The following PYGO1 variants were observed in gnomAD, a reference collection of about 807,000 sequenced individuals.
PYGO1 encodes the protein pygopus homolog 1.
Under a neutral mutation model 29.5 loss-of-function variants are expected in PYGO1, and 6 were observed. The ratio of observed to expected loss-of-function variants is 0.20; its 90% confidence interval spans 0.11 to 0.40. PYGO1 has a LOEUF of 0.40. PYGO1 is among the 10% of genes least tolerant of loss of function. The pLI, the probability that PYGO1 is intolerant of heterozygous loss-of-function variation, is 1.00. For missense variants in PYGO1, 515 were observed against 514.9 expected, an observed-to-expected ratio of 1.00 and a Z score of 0.00; for synonymous variants, 186 against 180.5, an observed-to-expected ratio of 1.03 and a Z score of -0.24.
At chr15:55,587,103 T>TCC (rs2059050102) in intron 1 of PYGO1, among the ~76,000 whole-genome samples, 1 of 152,192 alleles carries the variant, frequency 6.6e-6, no homozygotes, top group African/African-American at 2.4e-5. Context: ...CTAAAAGGCA[T>TCC]CCCCCAATTT....
chr15:55,551,399 A>G (rs1025111125), intron 1 of PYGO1, among the ~76,000 whole-genome samples: 2 of 152,182 alleles, frequency 1.3e-5, no homozygotes, highest in African/African-American at 2.4e-5. Context: ...CAGAGGGAAC[A>G]CTTCCTAACT....
At chr15:55,577,687 T>C (rs982657970) in intron 1 of PYGO1, among the ~76,000 whole-genome samples, 3 of 151,892 alleles carry the variant, frequency 2.0e-5, no homozygotes, top group Non-Finnish European at 4.4e-5. Flanking sequence ...TCCTGAACAT[T>C]ATCATCATCC....
intron 1 of PYGO1, among the ~76,000 whole-genome samples, chr15:55,576,894 A>C (rs1287848592): frequency 1.3e-5 from 2 of 152,038 alleles, no homozygotes; most frequent in South Asian, 2.1e-4. Flanking sequence ...GTGAAAGTAA[A>C]ATAAACCTTA....
intron 1 of PYGO1, among the ~76,000 whole-genome samples, chr15:55,571,330 A>G (rs1382116491): frequency 6.6e-6 from 1 of 152,202 alleles, no homozygotes; most frequent in African/African-American, 2.4e-5. Context: ...CATACATGTT[A>G]TAATACCTCT....
chr15:55,568,690 A>G (rs971889271), intron 1 of PYGO1, among the ~76,000 whole-genome samples: 3 of 152,082 alleles, frequency 2.0e-5, no homozygotes, highest in Admixed American at 6.6e-5. Flanking sequence ...TACTGCATCC[A>G]GTTTCTGCCT....
chr15:55,572,726 C>G (rs1446483612), intron 1 of PYGO1, among the ~76,000 whole-genome samples: 1 of 152,024 alleles, frequency 6.6e-6, no homozygotes, highest in African/African-American at 2.4e-5. Context: ...GAGAAAGGAC[C>G]TAGGTACACA....
chr15:55,564,073 A>C (rs1295756425), intron 1 of PYGO1, among the ~76,000 whole-genome samples: 1 of 152,228 alleles, frequency 6.6e-6, no homozygotes, highest in Non-Finnish European at 1.5e-5. Context: ...CTAGGTATTT[A>C]TCCAAGACAA....
chr15:55,581,388 T>C (rs139229726), intron 1 of PYGO1, among the ~76,000 whole-genome samples: 238 of 152,252 alleles, frequency 1.6e-3, no homozygotes, highest in African/African-American at 5.3e-3. Flanking sequence ...GTGTGAAGAA[T>C]AGAGGACTAA....
rs1487080541 is a variant in PYGO1 at position 55,543,359 on chromosome 15, G to C, written c.*2664C>G. ...GTAGAGACAAATGTAGAACTAGCAG[G>C]AAAATTAATTCAAACACATGAACGC... is the stretch of plus-strand genomic sequence containing the variant. On this transcript the variant is annotated 3_prime_UTR_variant, in exon 3 of 3. Transcript: ENST00000563719. 1 of 152,060 alleles carries C rather than the reference G, an allele frequency of 6.6e-6. No homozygotes were observed. Among genetic ancestry groups the C allele is most frequent in the Non-Finnish European group, 1.5e-5 (1 of 68,006 alleles). The allele number at this position is 152,060 out of a possible 1,614,324, so 9.4% of individuals were successfully genotyped here.
chr15:55,573,357 T>C (rs76489403), intron 1 of PYGO1, among the ~76,000 whole-genome samples: 1 of 151,420 alleles, frequency 6.6e-6, no homozygotes, highest in African/African-American at 2.4e-5. Context: ...TTGGTGAGGA[T>C]GTGGAGGAAA....
At chr15:55,556,510 A>G (rs1207297499) in intron 1 of PYGO1, among the ~76,000 whole-genome samples, 1 of 152,196 alleles carries the variant, frequency 6.6e-6, no homozygotes, top group Non-Finnish European at 1.5e-5. Flanking sequence ...GTTAAGAGGG[A>G]CATTTATAGC....
At chr15:55,584,322 G>A (rs2059037870) in intron 1 of PYGO1, among the ~76,000 whole-genome samples, 3 of 151,912 alleles carry the variant, frequency 2.0e-5, no homozygotes, top group Admixed American at 2.0e-4. Context: ...TGTCGTCCAG[G>A]CTGTTCTTAA....
chr15:55,546,439 C>T lies in PYGO1; in HGVS notation c.844G>A (p.Val282Ile). 2 of 1,614,160 alleles carry T rather than the reference C, an allele frequency of 1.2e-6. No individual in the cohort carries two copies. Among genetic ancestry groups the T allele is most frequent in the South Asian group, 2.2e-5 (2 of 91,082 alleles). Reference sequence around the variant, plus strand: ...CTTGAACGGCTGTTCTCCTGATTTACTGCATTGTTTCGATTAACATTTTTT... The same window carrying T: ...CTTGAACGGCTGTTCTCCTGATTTATTGCATTGTTTCGATTAACATTTTTT... ...ELKNVNRNNAVNQENSRSSST... is the reference protein window; with the variant it reads ...ELKNVNRNNAINQENSRSSST... Residue 282 changes from valine to isoleucine, a missense_variant, in exon 3 of 3, where the codon GTA becomes ATA. Physicochemically the swap from Val to Ile is conservative, Grantham distance 29 (BLOSUM62 3). Transcript: ENST00000563719.
At position 55,546,538 on chromosome 15, in the gene PYGO1, T is replaced by C; in HGVS notation, c.745A>G (p.Thr249Ala). 1.9e-6 allele frequency: 3 copies of C among 1,614,176 alleles called. No individual in the cohort carries two copies. Among genetic ancestry groups the C allele is most frequent in the Non-Finnish European group, 2.5e-6 (3 of 1,180,022 alleles). ...QDFTQGATKNTNQNSSAHPPH... is the reference protein window; with the variant it reads ...QDFTQGATKNANQNSSAHPPH... Reference sequence around the variant, plus strand: ...GGATGAGCAGAGGAATTTTGATTAGTGTTTTTGGTTGCTCCTTGAGTAAAG... The same window carrying C: ...GGATGAGCAGAGGAATTTTGATTAGCGTTTTTGGTTGCTCCTTGAGTAAAG... The change falls in exon 3 of 3, where the codon ACT becomes GCT. Residue 249 changes from threonine (T) to alanine (A), a missense_variant. Thr to Ala is a moderately conservative substitution (Grantham distance 58). Coordinates refer to ENST00000563719, the MANE Select transcript of PYGO1 (RefSeq NM_001367806.1).
At chr15:55,577,131 C>T (rs1308032255) in intron 1 of PYGO1, among the ~76,000 whole-genome samples, 2 of 152,138 alleles carry the variant, frequency 1.3e-5, no homozygotes, top group Non-Finnish European at 2.9e-5. Context: ...CATCTCTGCT[C>T]ATCTGAGACA....
At chr15:55,581,009 A>G (rs2059022819) in intron 1 of PYGO1, among the ~76,000 whole-genome samples, 1 of 152,234 alleles carries the variant, frequency 6.6e-6, no homozygotes, top group African/African-American at 2.4e-5. Flanking sequence ...AAATAAATAA[A>G]AGTAATAATT....
chr15:55,554,141 T>C (rs1265927227), intron 1 of PYGO1, among the ~76,000 whole-genome samples: 2 of 152,066 alleles, frequency 1.3e-5, no homozygotes, highest in Non-Finnish European at 2.9e-5. Context: ...CTCCTAATGA[T>C]CACAGCACTT....
At chr15:55,553,539 G>A (rs1168033852) in intron 1 of PYGO1, among the ~76,000 whole-genome samples, 1 of 151,980 alleles carries the variant, frequency 6.6e-6, no homozygotes, top group African/African-American at 2.4e-5. Flanking sequence ...GGAATTACAG[G>A]CACTTGCCAC....
Position 55,545,873 on chromosome 15 carries a change from T to A in PYGO1, c.*150A>T. 1.3e-6 allele frequency: 1 copy of A among 791,834 alleles called. No individual in the cohort carries two copies. Among genetic ancestry groups the A allele is most frequent in the African/African-American group, 1.7e-5 (1 of 57,510 alleles). 49.1% of individuals were successfully genotyped at this position (791,834 alleles called of 1,614,324 possible). ...GACAGCAAGCAAAGACAATAAAAAA[T>A]TTGCTCTAGTGATGAAGTGATTAAT... On this transcript the variant is annotated 3_prime_UTR_variant, in exon 3 of 3. Coordinates refer to ENST00000563719, the MANE Select transcript of PYGO1 (RefSeq NM_001367806.1).
Sources: gnomAD v4.1 joint callset for allele counts (sites outside exome capture counted in the v4.1 genomes callset) on GRCh38, gnomAD v4.1.1 for gene constraint, MANE v1.5 for transcripts, NCBI Gene and HGNC (gene_info 2026-07-23, HGNC 2026-07-21) for gene names.